Variants in FANCD2OS observed in about 807,000 individuals in gnomAD.
FANCD2OS encodes FANCD2 opposite strand, also known as FANCD2 opposite strand protein.
Under a neutral mutation model 13.2 loss-of-function variants are expected in FANCD2OS, and 11 were observed. The ratio of observed to expected loss-of-function variants is 0.83; its 90% CI spans 0.52 to 1.38. The LOEUF is 1.38. FANCD2OS is among the 40% of genes most tolerant of loss of function. The pLI, the probability that FANCD2OS is intolerant of heterozygous loss-of-function variation, is 0.00. For missense variants in FANCD2OS, 217 were observed against 213.9 expected, an observed-to-expected ratio of 1.01 and a Z score of -0.09; for synonymous variants, 69 against 84.5, an observed-to-expected ratio of 0.82 and a Z score of 1.01.
chr3:10,098,922 T>C (rs767893462), downstream of FANCD2OS: 33 of 1,614,114 alleles, frequency 2.0e-5, no homozygotes, highest in Middle Eastern at 4.9e-4. Flanking sequence ...TGTCAAATGC[T>C]TCTATGCCCA....
rs184022219 is a variant in FANCD2OS at position 10,096,272 on chromosome 3, G to A, written c.*43+7926C>T. 3.2e-6 allele frequency: 5 copies of A among 1,583,248 alleles called. No individual in the cohort carries two copies. In the African/African-American group the frequency reaches 6.7e-5, roughly 21 times the overall value. ...ACATTCAAAGGTTTCTATAAGAAAT[G>A]TGAAGGCATGATGATAAACTCACAA... On this transcript the variant is annotated intron_variant, in intron 2 of 2. Transcript: ENST00000524279.
chr3:10,101,255 C>CT (rs764649105), downstream of FANCD2OS: 4 of 1,609,358 alleles, frequency 2.5e-6, no homozygotes, highest in South Asian at 4.4e-5. Flanking sequence ...TATGATGACT[C>CT]TGATTAGACC....
At chr3:10,095,821 C>A (rs1032578204) in intron 2 of FANCD2OS, among the ~76,000 whole-genome samples, 13 of 152,050 alleles carry the variant, frequency 8.5e-5, no homozygotes, top group Admixed American at 2.6e-4. Flanking sequence ...TTCTTGAGTC[C>A]AGTTTCTGTT....
chr3:10,105,828 G>A (rs1207050923), intron 1 of FANCD2OS, among the ~76,000 whole-genome samples: 3 of 101,836 alleles, frequency 2.9e-5, no homozygotes, highest in Non-Finnish European at 5.9e-5. Flanking sequence ...ATATTTTGAG[G>A]TTCGCGATGT....
At chr3:10,086,405 T>G (rs1257568173) in intron 2 of FANCD2OS, among the ~76,000 whole-genome samples, 1 of 152,118 alleles carries the variant, frequency 6.6e-6, no homozygotes, top group Non-Finnish European at 1.5e-5. Context: ...TGACTTGGTC[T>G]TTCTCTCACT....
chr3:10,098,238 A>G (rs1316220495), downstream of FANCD2OS, among the ~76,000 whole-genome samples: 1 of 152,170 alleles, frequency 6.6e-6, no homozygotes, highest in Non-Finnish European at 1.5e-5. Context: ...AAGTTAAGTA[A>G]TTTACCTAAT....
At chr3:10,100,653 C>T (rs1174037731), downstream of FANCD2OS, among the ~76,000 whole-genome samples, 2 of 152,160 alleles carry the variant, frequency 1.3e-5, no homozygotes, top group Non-Finnish European at 2.9e-5. Flanking sequence ...ATTACTTTGG[C>T]GTGAGCCACC....
chr3:10,105,009 C>T (rs1023786184), intron 1 of FANCD2OS, among the ~76,000 whole-genome samples: 91 of 152,094 alleles, frequency 6.0e-4, no homozygotes, highest in African/African-American at 2.1e-3. Context: ...TGCAGTGGAG[C>T]GATCTTGGCT....
chr3:10,097,523 C>T (rs1042568091), intron 2 of FANCD2OS, among the ~76,000 whole-genome samples: 1 of 152,210 alleles, frequency 6.6e-6, no homozygotes, highest in African/African-American at 2.4e-5. Flanking sequence ...AAACATGGTT[C>T]TGTTCCGCCC....
chr3:10,098,900 A>G (rs773341870), downstream of FANCD2OS: 4 of 1,614,196 alleles, frequency 2.5e-6, no homozygotes, highest in South Asian at 2.2e-5. Context: ...AACTTTGCCT[A>G]CTTATGTTTA....
intron 2 of FANCD2OS, chr3:10,088,394 C>A: frequency 1.9e-6 from 2 of 1,068,124 alleles, no homozygotes; most frequent in South Asian, 2.5e-5. Context: ...ACCTGAAAAG[C>A]AAGAATGAGG....
At position 10,094,466 on chromosome 3, in the gene FANCD2OS, C is replaced by T. The variant is rs7610821; in HGVS notation, c.*43+9732G>A. 0.18 allele frequency: 172,991 copies of T among 949,642 alleles called. 19,273 individuals carry two copies. Among genetic ancestry groups the T allele is most frequent in the African/African-American group, 0.46 (28,836 of 62,156 alleles). 58.8% of individuals were successfully genotyped at this position (949,642 alleles called of 1,614,324 possible). A position where few individuals can be genotyped will look rare whatever the true frequency, so the allele number is the denominator to read the frequency against. ...GGGCTGGGAGTGTTCTACCTGGGCT[C>T]CTCTGGTCCACTTCAGCTGTAGCCA... On this transcript the variant is annotated intron_variant, in intron 2 of 2. Coordinates refer to the FANCD2OS transcript ENST00000524279.
At position 10,104,480 on chromosome 3, in the gene FANCD2OS, C is replaced by T; in HGVS notation, c.295G>A (p.Val99Ile). 6.2e-7 allele frequency: 1 copy of T among 1,614,224 alleles called. No homozygotes were observed. The highest frequency in any genetic ancestry group is 8.5e-7 in the Non-Finnish European group (1 of 1,180,036). Reference protein sequence around the residue: ...RKPQPIRLSGVDSVFGRVITA... With the variant: ...RKPQPIRLSGIDSVFGRVITA... Reference sequence around the variant, plus strand: ...ATAACCCTGCCAAAGACAGAATCTACTCCACTGAGGCGGATGGGCTGGGGC... The same window carrying T: ...ATAACCCTGCCAAAGACAGAATCTATTCCACTGAGGCGGATGGGCTGGGGC... Residue 99 changes from valine (V) to isoleucine (I), a missense_variant, in exon 2 of 2, where the codon GTA (valine) becomes ATA (isoleucine). Physicochemically the swap from Val to Ile is conservative, Grantham distance 29 (BLOSUM62 3). Transcript: ENST00000450660.
At chr3:10,102,623 A>G (rs1483969700), downstream of FANCD2OS, among the ~76,000 whole-genome samples, 2 of 151,486 alleles carry the variant, frequency 1.3e-5, no homozygotes, top group Non-Finnish European at 2.9e-5. Context: ...CAGGAGATCC[A>G]GGAGATCAGG....
intron 2 of FANCD2OS, chr3:10,087,080 T>A (rs1466107427): frequency 3.7e-6 from 6 of 1,600,842 alleles, no homozygotes; most frequent in Non-Finnish European, 5.1e-6. Context: ...TTTAAATATA[T>A]CTGTGACACA....
downstream of FANCD2OS, among the ~76,000 whole-genome samples, chr3:10,100,322 G>A (rs1695226069): frequency 2.0e-5 from 3 of 152,208 alleles, no homozygotes; most frequent in East Asian, 1.9e-4. Flanking sequence ...TACTAGTATC[G>A]TAAGCCAGAC....
chr3:10,086,727 C>G (rs1694229203), intron 2 of FANCD2OS, among the ~76,000 whole-genome samples: 1 of 152,216 alleles, frequency 6.6e-6, no homozygotes, highest in African/African-American at 2.4e-5. Context: ...ATCTGCCTGT[C>G]TCAGCCTAGC....
chr3:10,102,183 G>A (rs1363894805), downstream of FANCD2OS, among the ~76,000 whole-genome samples: 8 of 134,058 alleles, frequency 6.0e-5, no homozygotes, highest in Middle Eastern at 9.2e-3. Context: ...TCACTCTATC[G>A]CTCAGGCTGG....
At chr3:10,099,963 A>C (rs1048371689), downstream of FANCD2OS, among the ~76,000 whole-genome samples, 2 of 152,228 alleles carry the variant, frequency 1.3e-5, no homozygotes, top group African/African-American at 4.8e-5. Context: ...TGTGAGGCTG[A>C]GGTGGGAGGA....
Sources: gnomAD v4.1 joint callset for allele counts (sites outside exome capture counted in the v4.1 genomes callset) on GRCh38, gnomAD v4.1.1 for gene constraint, MANE v1.5 for transcripts, NCBI Gene and HGNC (gene_info 2026-07-23, HGNC 2026-07-21) for gene names.